KCNG3: variants seen among roughly 807,000 people sequenced by gnomAD.
The protein encoded by KCNG3 is voltage-gated potassium channel regulatory subunit KCNG3.
Under a neutral mutation model 29.0 loss-of-function variants are expected in KCNG3, and 15 were observed. The observed-to-expected ratio is 0.52, with a 90% CI of 0.35 to 0.80. KCNG3 has a LOEUF of 0.80. Among genes scored for constraint, KCNG3 ranks in the 30% least tolerant of loss-of-function variants. The pLI is 0.01. For synonymous variants in KCNG3, 322 were observed against 248.9 expected, an observed-to-expected ratio of 1.29 and a Z score of -2.76; for missense variants, 512 against 605.7, an observed-to-expected ratio of 0.85 and a Z score of 1.62.
the KCNG3 span, among the ~76,000 whole-genome samples, chr2:42,397,330 A>C: frequency 6.6e-6 from 1 of 152,180 alleles, no homozygotes; most frequent in African/African-American, 2.4e-5. Context: ...TGGCAGAAAA[A>C]AGCAAGGTAT....
chr2:42,462,356 G>C (rs902507957), intron 1 of KCNG3, among the ~76,000 whole-genome samples: 2 of 152,210 alleles, frequency 1.3e-5, no homozygotes, highest in African/African-American at 4.8e-5. Flanking sequence ...TTTGGTATAA[G>C]ACAGGTGATG....
In KCNG3 at chr2:42,493,705, G is replaced by T; in HGVS notation, c.-204C>A. 1 of 375,606 alleles carries T rather than the reference G, an allele frequency of 2.7e-6. No homozygotes were observed. Among genetic ancestry groups the T allele is most frequent in the South Asian group, 1.4e-4 (1 of 7,090 alleles). 23.3% of individuals were successfully genotyped at this position (375,606 alleles called of 1,614,324 possible). A position where few individuals can be genotyped will look rare whatever the true frequency, so the allele number is the denominator to read the frequency against. On this transcript the variant is annotated 5_prime_UTR_variant, in exon 1 of 2. Transcript: ENST00000306078. Reference sequence around the variant, plus strand: ...CGGCGCTGCTAGTAGCGCGCCCTCCGCCCGGCGGTACCTGCGGGTGGCCGG... The same window carrying T: ...CGGCGCTGCTAGTAGCGCGCCCTCCTCCCGGCGGTACCTGCGGGTGGCCGG...
intron 1 of KCNG3, among the ~76,000 whole-genome samples, chr2:42,472,497 G>A (rs946396224): frequency 3.4e-5 from 5 of 149,242 alleles, no homozygotes; most frequent in Non-Finnish European, 4.4e-5. Context: ...AGTAAACTTC[G>A]ACTGCATTTT....
chr2:42,491,443 A>G (rs1248421512), intron 1 of KCNG3, among the ~76,000 whole-genome samples: 1 of 152,140 alleles, frequency 6.6e-6, no homozygotes, highest in Non-Finnish European at 1.5e-5. Flanking sequence ...CACTAACCTT[A>G]GAATTCTACA....
chr2:42,492,323 G>A (rs943503451), intron 1 of KCNG3, among the ~76,000 whole-genome samples: 3 of 152,188 alleles, frequency 2.0e-5, no homozygotes, highest in Admixed American at 6.5e-5. Flanking sequence ...AAATTAACCT[G>A]CTTTATAATA....
intron 1 of KCNG3, among the ~76,000 whole-genome samples, chr2:42,473,113 G>C (rs559863050): frequency 5.4e-5 from 8 of 149,048 alleles, no homozygotes; most frequent in African/African-American, 2.0e-4. Flanking sequence ...AGCCCAGATG[G>C]TCTCCATCTC....
intron 1 of KCNG3, among the ~76,000 whole-genome samples, chr2:42,468,700 A>G: frequency 6.6e-6 from 1 of 152,104 alleles, no homozygotes; most frequent in Non-Finnish European, 1.5e-5. Context: ...CACGCCTGTA[A>G]TCTCAGCACT....
chr2:42,468,532 A>G (rs1045314411), intron 1 of KCNG3, among the ~76,000 whole-genome samples: 8 of 152,230 alleles, frequency 5.3e-5, no homozygotes, highest in African/African-American at 1.9e-4. Flanking sequence ...CTAGATATAA[A>G]TCTAACAAAA....
chr2:42,488,848 C>A (rs574146029), intron 1 of KCNG3, among the ~76,000 whole-genome samples: 1 of 151,964 alleles, frequency 6.6e-6, no homozygotes, highest in African/African-American at 2.4e-5. Flanking sequence ...CCACGCCTGG[C>A]CCCAAACAGC....
chr2:42,481,551 C>T (rs1673584770), intron 1 of KCNG3, among the ~76,000 whole-genome samples: 1 of 152,128 alleles, frequency 6.6e-6, no homozygotes, highest in Non-Finnish European at 1.5e-5. Flanking sequence ...CTCCTCAAAA[C>T]CCACATTCAG....
At chr2:42,438,566 A>G (rs534574817), downstream of KCNG3, among the ~76,000 whole-genome samples, 1 of 152,330 alleles carries the variant, frequency 6.6e-6, no homozygotes, top group East Asian at 1.9e-4. Flanking sequence ...AATTCCCACC[A>G]AAGCTACTTA....
the KCNG3 span, among the ~76,000 whole-genome samples, chr2:42,433,813 T>C: frequency 2.0e-5 from 3 of 152,024 alleles, no homozygotes; most frequent in African/African-American, 7.3e-5. Flanking sequence ...GAAAAGGTAA[T>C]TTCTTCTCTT....
chr2:42,449,662 C>G (rs1040511886), intron 1 of KCNG3, among the ~76,000 whole-genome samples: 1 of 151,930 alleles, frequency 6.6e-6, no homozygotes, highest in Non-Finnish European at 1.5e-5. Flanking sequence ...GGATTACAGG[C>G]GCGCACCACC....
At chr2:42,468,913 C>G (rs1284811234) in intron 1 of KCNG3, among the ~76,000 whole-genome samples, 1 of 133,904 alleles carries the variant, frequency 7.5e-6, no homozygotes, top group Admixed American at 8.6e-5. Flanking sequence ...GAGATCATGC[C>G]ACTGCACTAC....
intron 1 of KCNG3, among the ~76,000 whole-genome samples, chr2:42,469,175 T>C (rs1290188460): frequency 6.6e-6 from 1 of 151,826 alleles, no homozygotes; most frequent in African/African-American, 2.4e-5. Flanking sequence ...TCCCAGCACT[T>C]TGGGAGGCCG....
At chr2:42,403,628 T>C in the KCNG3 span, among the ~76,000 whole-genome samples, 2 of 150,600 alleles carry the variant, frequency 1.3e-5, no homozygotes, top group Admixed American at 6.6e-5. Flanking sequence ...TTTCTTTTTT[T>C]TTTTTTTTGT....
intron 1 of KCNG3, among the ~76,000 whole-genome samples, chr2:42,458,543 C>A (rs1474967861): frequency 1.3e-5 from 2 of 152,230 alleles, no homozygotes; most frequent in African/African-American, 4.8e-5. Flanking sequence ...AGGGGCTATC[C>A]ATCACATATA....
chr2:42,454,046 C>T (rs896858701), intron 1 of KCNG3, among the ~76,000 whole-genome samples: 28 of 147,584 alleles, frequency 1.9e-4, no homozygotes, highest in African/African-American at 7.0e-4. Flanking sequence ...CATTATTAAT[C>T]ATCAGAAAAA....
At chr2:42,432,537 C>T in the KCNG3 span, among the ~76,000 whole-genome samples, 2 of 152,328 alleles carry the variant, frequency 1.3e-5, no homozygotes, top group East Asian at 3.9e-4. Flanking sequence ...TCTACAACCT[C>T]CAGCATTCTC....
Sources: gnomAD v4.1 joint callset for allele counts (sites outside exome capture counted in the v4.1 genomes callset) on GRCh38, gnomAD v4.1.1 for gene constraint, MANE v1.5 for transcripts, NCBI Gene and HGNC (gene_info 2026-07-23, HGNC 2026-07-21) for gene names.